Variants in GMDS observed in about 807,000 individuals in gnomAD.
The protein encoded by GMDS is GDP-mannose 4,6 dehydratase.
A neutral mutation model predicts 49.9 loss-of-function variants in GMDS; 20 were observed. The ratio of observed to expected loss-of-function variants is 0.40; its 90% CI spans 0.28 to 0.58. The LOEUF (loss-of-function observed/expected upper bound fraction) is 0.58, where lower values mean the gene tolerates loss of function less well. GMDS is among the 20% of genes least tolerant of loss of function. The pLI, the probability that GMDS is intolerant of heterozygous loss-of-function variation, is 0.42. For missense variants in GMDS, 362 were observed against 481.4 expected, an observed-to-expected ratio of 0.75 and a Z score of 2.32; for synonymous variants, 177 against 178.6, an observed-to-expected ratio of 0.99 and a Z score of 0.07.
chr6:1,922,306 G>A (rs748884881), intron 7 of GMDS, among the ~76,000 whole-genome samples: 32 of 152,282 alleles, frequency 2.1e-4, no homozygotes, highest in Non-Finnish European at 3.5e-4. Context: ...TTTCTGTTAA[G>A]TAAGGCCTTA....
Position 1,785,201 on chromosome 6 carries a change from C to T in GMDS, c.772-42615G>A, listed in dbSNP as rs144202099. Among the ~76,000 whole-genome samples the T allele has an allele frequency of 1.3e-4, 20 of 152,158 alleles. No individual in the cohort carries two copies. The East Asian group carries it at 3.9e-3, about 29-fold the overall frequency. On this transcript the variant is annotated intron_variant, in intron 7 of 10. Transcript: ENST00000380815. The stretch of plus-strand genomic sequence containing the variant: ...ATAATTCATGAAGCTCTTTGTCTTG[C>T]TATAACAAATCTAGGTGGTTAGTAA...
chr6:2,012,786 C>A (rs1266379962), intron 4 of GMDS, among the ~76,000 whole-genome samples: 1 of 152,026 alleles, frequency 6.6e-6, no homozygotes, highest in Non-Finnish European at 1.5e-5. Context: ...GTCCCAGGAG[C>A]CCCAACTTAG....
intron 4 of GMDS, among the ~76,000 whole-genome samples, chr6:1,973,652 TATA>T (rs1273318623): frequency 2.0e-5 from 3 of 152,188 alleles, no homozygotes; most frequent in Non-Finnish European, 2.9e-5. Flanking sequence ...TCTTCATTAT[TATA>T]ATATTATTAT....
At chr6:1,925,597 G>GA (rs1761957269) in intron 7 of GMDS, among the ~76,000 whole-genome samples, 2 of 152,228 alleles carry the variant, frequency 1.3e-5, no homozygotes, top group Non-Finnish European at 2.9e-5. Flanking sequence ...AACACGAGGA[G>GA]AAAATGCTCT....
At chr6:1,822,795 C>T (rs1561827737) in intron 7 of GMDS, among the ~76,000 whole-genome samples, 1 of 152,142 alleles carries the variant, frequency 6.6e-6, no homozygotes, top group African/African-American at 2.4e-5. Flanking sequence ...AGTGAAATGC[C>T]TCGCCTATAT....
intron 7 of GMDS, among the ~76,000 whole-genome samples, chr6:1,803,166 G>A (rs151172995): frequency 4.0e-3 from 612 of 152,272 alleles, no homozygotes; most frequent in African/African-American, 0.013. Context: ...GGCACTGTAT[G>A]TTTGAGAAAT....
chr6:1,999,439 C>T (rs1205287553), intron 4 of GMDS, among the ~76,000 whole-genome samples: 2 of 151,252 alleles, frequency 1.3e-5, no homozygotes, highest in African/African-American at 4.9e-5. Flanking sequence ...TCTACAAAAC[C>T]TAGAATTTCA....
rs193151192 is a variant in GMDS, at chr6:2,017,879, T to C, written c.346-56913A>G. Among the ~76,000 whole-genome samples, 1,474 of 152,150 alleles carry C rather than the reference T, an allele frequency of 9.7e-3. 16 individuals are homozygous for C. The highest frequency in any genetic ancestry group is 0.028 in the South Asian group (134 of 4,802). On this transcript the variant is annotated intron_variant, in intron 4 of 10. Transcript: ENST00000380815. Reference sequence around the variant, plus strand: ...TTTCCAAAAAAGTCAAATCTAAAATTAAGCCATATTGTCACCAGGTCACCA... The same window carrying C: ...TTTCCAAAAAAGTCAAATCTAAAATCAAGCCATATTGTCACCAGGTCACCA...
At chr6:1,844,717 G>T (rs911046347) in intron 7 of GMDS, among the ~76,000 whole-genome samples, 2 of 152,184 alleles carry the variant, frequency 1.3e-5, no homozygotes, top group Non-Finnish European at 2.9e-5. Flanking sequence ...GAAAATGGAA[G>T]TTCAAGCTGC....
chr6:2,169,567 C>T (rs1477553393), intron 1 of GMDS, among the ~76,000 whole-genome samples: 2 of 147,934 alleles, frequency 1.4e-5, no homozygotes, highest in Admixed American at 1.3e-4. Flanking sequence ...GAGATCACAT[C>T]ACTGCACTCC....
At chr6:1,965,518 A>T (rs529958668) in intron 4 of GMDS, among the ~76,000 whole-genome samples, 237 of 152,304 alleles carry the variant, frequency 1.6e-3, no homozygotes, top group African/African-American at 5.6e-3. Context: ...GTGGCTGATC[A>T]ATTCCTAAAG....
At chr6:1,674,300 A>G (rs1486500725) in intron 9 of GMDS, among the ~76,000 whole-genome samples, 2 of 152,130 alleles carry the variant, frequency 1.3e-5, no homozygotes, top group Non-Finnish European at 2.9e-5. Context: ...TCATATGCTT[A>G]CTTGCCATCT....
chr6:1,706,246 T>G (rs1396653748), intron 9 of GMDS, among the ~76,000 whole-genome samples: 2 of 152,136 alleles, frequency 1.3e-5, no homozygotes, highest in South Asian at 2.1e-4. Context: ...GCACAGCTGA[T>G]GATTCTGAGG....
At chr6:2,132,418 G>C (rs925693709) in intron 1 of GMDS, among the ~76,000 whole-genome samples, 1 of 152,160 alleles carries the variant, frequency 6.6e-6, no homozygotes, top group Non-Finnish European at 1.5e-5. Flanking sequence ...GAAGTATCTG[G>C]GAAGCCAGGC....
chr6:2,151,532 T>C (rs1161522728), intron 1 of GMDS, among the ~76,000 whole-genome samples: 1 of 152,078 alleles, frequency 6.6e-6, no homozygotes. Flanking sequence ...GCCAGGAAGG[T>C]AAATTCTTGT....
chr6:2,087,002 T>C (rs894228014), intron 4 of GMDS, among the ~76,000 whole-genome samples: 3 of 152,218 alleles, frequency 2.0e-5, no homozygotes, highest in African/African-American at 7.2e-5. Context: ...AAAAAACTTG[T>C]TGAAATGTTG....
chr6:1,798,690 G>A (rs1288304965), intron 7 of GMDS, among the ~76,000 whole-genome samples: 2 of 152,138 alleles, frequency 1.3e-5, no homozygotes, highest in African/African-American at 4.8e-5. Context: ...TCCTCCAAGC[G>A]AATGTCCCCT....
chr6:1,685,005 C>T (rs1764922709), intron 9 of GMDS, among the ~76,000 whole-genome samples: 1 of 127,562 alleles, frequency 7.8e-6, no homozygotes, highest in African/African-American at 3.1e-5. Flanking sequence ...AAACTGCTCC[C>T]TCTCTCCCCC....
At chr6:1,808,124 T>C (rs189953689) in intron 7 of GMDS, among the ~76,000 whole-genome samples, 2 of 152,342 alleles carry the variant, frequency 1.3e-5, no homozygotes, top group Admixed American at 1.3e-4. Flanking sequence ...TTGTCATGTA[T>C]TTGATCAACT....
Sources: gnomAD v4.1 joint callset for allele counts (sites outside exome capture counted in the v4.1 genomes callset) on GRCh38, gnomAD v4.1.1 for gene constraint, MANE v1.5 for transcripts, NCBI Gene and HGNC (gene_info 2026-07-23, HGNC 2026-07-21) for gene names.